Variants in KSR2 observed in about 807,000 individuals in gnomAD.
KSR2 encodes the protein kinase suppressor of ras 2.
KSR2 carries 25 observed loss-of-function variants against 107.8 expected under a neutral mutation model. The observed-to-expected ratio is 0.23, with a 90% CI of 0.17 to 0.32. KSR2 has a LOEUF of 0.32. Among genes scored for constraint, KSR2 ranks in the 10% least tolerant of loss-of-function variants. The pLI is 1.00. For synonymous variants in KSR2, 480 were observed against 507.0 expected, an observed-to-expected ratio of 0.95 and a Z score of 0.71; for missense variants, 887 against 1,268.9, an observed-to-expected ratio of 0.70 and a Z score of 4.57.
At chr12:117,843,860 C>G (rs1892594812) in intron 3 of KSR2, among the ~76,000 whole-genome samples, 1 of 152,106 alleles carries the variant, frequency 6.6e-6, no homozygotes, top group Non-Finnish European at 1.5e-5. Context: ...GCCAGATGTC[C>G]CTGAAACCGC....
intron 4 of KSR2, among the ~76,000 whole-genome samples, chr12:117,752,533 C>A (rs944377263): frequency 1.3e-5 from 2 of 152,074 alleles, no homozygotes; most frequent in Non-Finnish European, 2.9e-5. Context: ...TAAATGCACA[C>A]AAGGATTTAT....
intron 1 of KSR2, among the ~76,000 whole-genome samples, chr12:117,937,807 A>G (rs868864199): frequency 6.9e-6 from 1 of 143,962 alleles, no homozygotes; most frequent in Non-Finnish European, 1.5e-5. Context: ...TAAAAATACA[A>G]AAAAAAAAAA....
chr12:117,672,600 C>A (rs1884955931), intron 4 of KSR2, among the ~76,000 whole-genome samples: 1 of 152,064 alleles, frequency 6.6e-6, no homozygotes, highest in Non-Finnish European at 1.5e-5. Flanking sequence ...TGAAGCCAAG[C>A]TGCAATTTTC....
intron 3 of KSR2, among the ~76,000 whole-genome samples, chr12:117,843,130 A>G (rs913812316): frequency 4.6e-5 from 7 of 152,152 alleles, no homozygotes; most frequent in African/African-American, 1.7e-4. Context: ...TTTCCTTGCA[A>G]CAACTCCATG....
chr12:117,951,406 C>T (rs766625473), intron 1 of KSR2, among the ~76,000 whole-genome samples: 7 of 152,178 alleles, frequency 4.6e-5, no homozygotes, highest in Non-Finnish European at 1.0e-4. Flanking sequence ...TAAGTACCCA[C>T]TTAACAAGTT....
chr12:117,920,427 GA>G (rs1350648465), intron 1 of KSR2, among the ~76,000 whole-genome samples: 4 of 149,080 alleles, frequency 2.7e-5, no homozygotes, highest in Non-Finnish European at 5.9e-5. Context: ...TTTAATGAAA[GA>G]AAAAGAATAT....
intron 3 of KSR2, among the ~76,000 whole-genome samples, chr12:117,845,821 C>T (rs980823519): frequency 5.3e-5 from 8 of 151,360 alleles, no homozygotes; most frequent in Admixed American, 3.3e-4. Context: ...GCTGGGATTA[C>T]AGGCACACAC....
At chr12:117,677,955 G>A (rs150729460) in intron 4 of KSR2, among the ~76,000 whole-genome samples, 88 of 151,966 alleles carry the variant, frequency 5.8e-4, no homozygotes, top group African/African-American at 2.0e-3. Flanking sequence ...TTGTTTTTGA[G>A]ACAGAGTCTC....
chr12:117,683,563 A>C lies in KSR2; in HGVS notation c.987-15905T>G, dbSNP rs138321547. 1.6e-3 allele frequency among the ~76,000 whole-genome samples: 238 copies of C among 152,352 alleles called. 1 individual carries two copies. The highest frequency in any genetic ancestry group is 5.6e-3 in the African/African-American group (231 of 41,580). ...CTATTGGAACATTTACACCTGAAAA[A>C]TATGCAAGATGTTTGAAGAACAGCT... is the stretch of plus-strand genomic sequence containing the variant. On this transcript the variant is annotated intron_variant, in intron 4 of 19. Transcript: ENST00000339824.
intron 4 of KSR2, among the ~76,000 whole-genome samples, chr12:117,682,682 T>A (rs771941266): frequency 1.6e-4 from 25 of 152,154 alleles, no homozygotes; most frequent in Non-Finnish European, 1.3e-4. Flanking sequence ...CCTCCCAAAG[T>A]GCTGGGACCA....
At chr12:117,532,364 C>A (rs1875708517) in intron 10 of KSR2, among the ~76,000 whole-genome samples, 1 of 152,158 alleles carries the variant, frequency 6.6e-6, no homozygotes, top group African/African-American at 2.4e-5. Flanking sequence ...CCAACCTCTG[C>A]TTCTGTTGTG....
At chr12:117,914,302 A>G (rs1401120817) in intron 1 of KSR2, among the ~76,000 whole-genome samples, 1 of 151,712 alleles carries the variant, frequency 6.6e-6, no homozygotes, top group Non-Finnish European at 1.5e-5. Flanking sequence ...GGTGGCACAC[A>G]CCTGTAATCC....
intron 3 of KSR2, among the ~76,000 whole-genome samples, chr12:117,828,096 C>T (rs1891823505): frequency 6.6e-6 from 1 of 152,194 alleles, no homozygotes; most frequent in African/African-American, 2.4e-5. Flanking sequence ...GCTCTGGCTA[C>T]TTCTTGTATT....
chr12:117,781,677 A>G (rs1382125310), intron 3 of KSR2, among the ~76,000 whole-genome samples: 4 of 152,154 alleles, frequency 2.6e-5, no homozygotes, highest in Non-Finnish European at 5.9e-5. Context: ...CATATCCTCA[A>G]ACCATCTGAG....
At chr12:117,903,588 T>G (rs113939550) in intron 1 of KSR2, among the ~76,000 whole-genome samples, 151 of 152,348 alleles carry the variant, frequency 9.9e-4, no homozygotes, top group African/African-American at 3.6e-3. Context: ...CAGTCAAACC[T>G]CTACCATATC....
chr12:117,556,269 T>C (rs1007715235), intron 8 of KSR2, among the ~76,000 whole-genome samples: 3 of 152,136 alleles, frequency 2.0e-5, no homozygotes, highest in Non-Finnish European at 4.4e-5. Flanking sequence ...GCCATCACCT[T>C]CCAGCAGGCT....
At chr12:117,783,567 C>A (rs1021982538) in intron 3 of KSR2, among the ~76,000 whole-genome samples, 38 of 152,042 alleles carry the variant, frequency 2.5e-4, no homozygotes, top group African/African-American at 9.2e-4. Context: ...CCCAAAAATT[C>A]TGGGAAAAAA....
rs569404861 is a variant in KSR2 at position 117,709,490 on chromosome 12, A to AT, written c.987-41833dup. On this transcript the variant is annotated intron_variant, in intron 4 of 19. Transcript: ENST00000339824. ...GGGCATGCACCACCATGCCTGGCTTATTTTTTTACTTTTTGCAGAGACAGG... is the reference window on the plus strand; with the variant it reads ...GGGCATGCACCACCATGCCTGGCTTATTTTTTTTACTTTTTGCAGAGACAGG... Among the ~76,000 whole-genome samples, 202 of 152,002 alleles carry AT rather than the reference A, an allele frequency of 1.3e-3. 3 individuals are homozygous for AT. The highest frequency in any genetic ancestry group is 4.5e-3 in the African/African-American group (188 of 41,430).
At chr12:117,467,266 C>T (rs1481724312) in intron 19 of KSR2, 61 bp from the exon 20 acceptor site, 33 of 665,568 alleles carry the variant, frequency 5.0e-5, no homozygotes, top group Admixed American at 1.2e-4. Flanking sequence ...TGATGTCATC[C>T]GTTGTGAATG....
Sources: allele counts gnomAD v4.1 joint callset (sites outside exome capture counted in the v4.1 genomes callset), GRCh38; gene constraint gnomAD v4.1.1; transcripts MANE v1.5; gene names NCBI Gene and HGNC (gene_info 2026-07-23, HGNC 2026-07-21).